Variants in PIEZO2 observed in about 807,000 individuals in gnomAD.
The protein encoded by PIEZO2 is piezo type mechanosensitive ion channel component 2, also known as piezo-type mechanosensitive ion channel component 2.
Under a neutral mutation model 337.3 loss-of-function variants are expected in PIEZO2, and 172 were observed. The observed-to-expected ratio is 0.51, with a 90% confidence interval of 0.45 to 0.58. The LOEUF (loss-of-function observed/expected upper bound fraction) is 0.58, where lower values mean the gene tolerates loss of function less well. Among genes scored for constraint, PIEZO2 ranks in the 20% least tolerant of loss-of-function variants. PIEZO2 has a pLI of 0.00. For missense variants in PIEZO2, 3,028 were observed against 3,391.3 expected (o/e 0.89, Z 2.66); for synonymous variants, 1,251 against 1,228.5 (o/e 1.02, Z -0.38).
At chr18:10,874,545 A>G (rs533534877) in intron 4 of PIEZO2, among the ~76,000 whole-genome samples, 16 of 152,340 alleles carry the variant, frequency 1.1e-4, no homozygotes, top group African/African-American at 3.6e-4. Context: ...CACAATAGTC[A>G]AGATATGGAA....
In PIEZO2 at chr18:10,727,986, A is replaced by G. The variant is rs1313383780; in HGVS notation, c.5029+3421T>C. ...AAAAAAAGAAAAAAGAAAAAAAGGG[A>G]TAAGAAGCCTGACATATAAATAGCA... On this transcript the variant is annotated intron_variant, in intron 36 of 55. Coordinates refer to ENST00000674853, the MANE Select transcript of PIEZO2 (RefSeq NM_001378183.1). This position sits in a 1 kb window ranked among gnomAD's most constrained non-coding sequence, Gnocchi z 6.3. 6.6e-6 allele frequency: 1 copy of G among 152,364 alleles called. No homozygotes were observed. The highest frequency in any genetic ancestry group is 2.4e-5 in the African/African-American group (1 of 41,442). 9.4% of individuals were successfully genotyped at this position (152,364 alleles called of 1,614,324 possible). A position where few individuals can be genotyped will look rare whatever the true frequency, so the allele number is the denominator to read the frequency against.
chr18:10,983,693 C>T (rs2034758645), intron 2 of PIEZO2, among the ~76,000 whole-genome samples: 1 of 152,076 alleles, frequency 6.6e-6, no homozygotes, highest in Non-Finnish European at 1.5e-5. Flanking sequence ...ACCCCCACAA[C>T]CAACTGATGA....
At position 10,962,830 on chromosome 18, in the gene PIEZO2, A is replaced by G. The variant is rs151306843; in HGVS notation, c.286+16705T>C. Among the ~76,000 whole-genome samples the G allele has an allele frequency of 6.2e-4, 94 of 152,290 alleles. No individual in the cohort carries two copies. The highest frequency in any genetic ancestry group is 2.0e-3 in the African/African-American group (85 of 41,546). ...CACATACTATGAGCCCATGCTAGCA[A>G]TGTGAGGGATGACTTTTCCCACTGA... is the stretch of plus-strand genomic sequence containing the variant. On this transcript the variant is annotated intron_variant, in intron 3 of 55. Coordinates refer to ENST00000674853, the MANE Select transcript of PIEZO2 (RefSeq NM_001378183.1). The surrounding 1 kb of genome is among the most constrained non-coding windows in gnomAD (Gnocchi z 4.1).
At chr18:11,018,589 T>C (rs2036206028) in intron 2 of PIEZO2, among the ~76,000 whole-genome samples, 1 of 152,106 alleles carries the variant, frequency 6.6e-6, no homozygotes, top group Non-Finnish European at 1.5e-5. Flanking sequence ...CACTGAACGG[T>C]GGGTGACACT....
intron 2 of PIEZO2, among the ~76,000 whole-genome samples, chr18:11,040,930 G>A (rs2037097413): frequency 6.6e-6 from 1 of 152,076 alleles, no homozygotes; most frequent in African/African-American, 2.4e-5. Context: ...TTAGGAATGA[G>A]GCCAATTAAA....
chr18:11,141,362 C>T (rs1201682891), intron 1 of PIEZO2, among the ~76,000 whole-genome samples: 1 of 152,060 alleles, frequency 6.6e-6, no homozygotes, highest in African/African-American at 2.4e-5. Flanking sequence ...CTGAGAAAAG[C>T]CCCAACTATG....
Position 10,699,155 on chromosome 18 carries a change from T to G in PIEZO2, c.6464A>C (p.Asp2155Ala). ...ILKCHGLWDE[D>A]DMTESGMARE... ...GGCCATGCCACTTTCAGTCATGTCA[T>G]CTTCATCCCATAAGCCATGGCACTG... The change falls in exon 44 of 56, where the codon GAT becomes GCT. Residue 2155 changes from aspartate to alanine, a missense_variant. Asp to Ala is a moderately radical substitution (Grantham distance 126, BLOSUM62 -2). This residue lies in a region of PIEZO2 where 1,925 missense variants were observed against 2,051.9 expected (regional missense o/e 0.94). Transcript: ENST00000674853. 3.3e-6 allele frequency: 5 copies of G among 1,537,220 alleles called. No individual in the cohort carries two copies. Among genetic ancestry groups the G allele is most frequent in the Non-Finnish European group, 4.4e-6 (5 of 1,146,910 alleles).
Position 10,988,387 on chromosome 18 carries a change from A to T in PIEZO2, c.161-8727T>A, listed in dbSNP as rs946845003. On this transcript the variant is annotated intron_variant, in intron 2 of 55. Coordinates refer to ENST00000674853, the MANE Select transcript of PIEZO2 (RefSeq NM_001378183.1). The surrounding 1 kb of genome is among the most constrained non-coding windows in gnomAD (Gnocchi z 4.8). ...TTCGTTTAGCAGCACAAATGTATTAAGAAAGCCTCACACCTGTTAAGATGA... is the reference window on the plus strand; with the variant it reads ...TTCGTTTAGCAGCACAAATGTATTATGAAAGCCTCACACCTGTTAAGATGA... 6.6e-6 allele frequency among the ~76,000 whole-genome samples: 1 copy of T among 152,218 alleles called. No homozygotes were observed. Among genetic ancestry groups the T allele is most frequent in the African/African-American group, 2.4e-5 (1 of 41,460 alleles).
chr18:11,030,747 TC>T (rs1288995446), intron 2 of PIEZO2, among the ~76,000 whole-genome samples: 1 of 152,004 alleles, frequency 6.6e-6, no homozygotes, highest in African/African-American at 2.4e-5. Flanking sequence ...GCCAGGAGCA[TC>T]CAAAAGAACT....
chr18:10,751,721 G>C (rs1380085043), intron 28 of PIEZO2, among the ~76,000 whole-genome samples: 1 of 152,192 alleles, frequency 6.6e-6, no homozygotes, highest in African/African-American at 2.4e-5. Context: ...TGCAACAGCA[G>C]TTACAGCCTG....
intron 3 of PIEZO2, among the ~76,000 whole-genome samples, chr18:10,932,854 A>G (rs2032171032): frequency 6.6e-6 from 1 of 151,852 alleles, no homozygotes; most frequent in Admixed American, 6.6e-5. Context: ...AGCCTAGGAG[A>G]TCGAGGCTGC....
intron 36 of PIEZO2, chr18:10,725,346 G>A: frequency 6.2e-7 from 1 of 1,605,742 alleles, no homozygotes; most frequent in Non-Finnish European, 8.5e-7. Context: ...GCAGCTGAGT[G>A]AAGACCTGCT....
intron 3 of PIEZO2, among the ~76,000 whole-genome samples, chr18:10,913,711 G>A (rs916575015): frequency 3.3e-5 from 5 of 151,920 alleles, no homozygotes; most frequent in African/African-American, 1.2e-4. Flanking sequence ...TAAACAGGCA[G>A]GACAAGTCAA....
intron 2 of PIEZO2, among the ~76,000 whole-genome samples, chr18:11,039,076 G>T (rs1012896768): frequency 1.3e-5 from 2 of 152,148 alleles, no homozygotes; most frequent in Non-Finnish European, 2.9e-5. Flanking sequence ...ATCCCAGGCT[G>T]AAAATAAAAC....
chr18:11,142,778 C>A (rs1214821475), intron 1 of PIEZO2, among the ~76,000 whole-genome samples: 83 of 116,134 alleles, frequency 7.1e-4, no homozygotes, highest in Non-Finnish European at 8.4e-4. Flanking sequence ...GAGATTATCG[C>A]AAAAAAAAAA....
chr18:11,082,332 T>C (rs2038773264), intron 1 of PIEZO2, among the ~76,000 whole-genome samples: 2 of 151,942 alleles, frequency 1.3e-5, no homozygotes, highest in Non-Finnish European at 2.9e-5. Context: ...TCTTTTTTTT[T>C]TTTGAGACAG....
Position 10,748,699 on chromosome 18 carries a change from A to G in PIEZO2, c.4265-69T>C. The G allele has an allele frequency of 2.2e-6, 3 of 1,343,616 alleles. No homozygotes were observed. Among genetic ancestry groups the G allele is most frequent in the Non-Finnish European group, 2.9e-6 (3 of 1,023,798 alleles). The allele number at this position is 1,343,616 out of a possible 1,614,324, so 83.2% of individuals were successfully genotyped here. ...TTTCATTGTAATTTTATAAAATCTG[A>G]GGTATGGTCAGGCTTGGGAAATATA... On this transcript the variant is annotated intron_variant, in intron 29 of 55. Transcript: ENST00000674853. This position sits in a 1 kb window ranked among gnomAD's most constrained non-coding sequence, Gnocchi z 5.1.
At chr18:10,949,180 C>T (rs1324769195) in intron 3 of PIEZO2, among the ~76,000 whole-genome samples, 1 of 150,880 alleles carries the variant, frequency 6.6e-6, no homozygotes. Flanking sequence ...TTTTAATTGG[C>T]TTATGACTGA....
chr18:10,970,660 T>TCACA (rs71169962), intron 3 of PIEZO2, among the ~76,000 whole-genome samples: 4,149 of 137,380 alleles, frequency 0.03, 62 homozygotes, highest in South Asian at 0.046. Context: ...AAAAGATGTT[T>TCACA]CACACACACA....
Sources: allele counts gnomAD v4.1 joint callset (sites outside exome capture counted in the v4.1 genomes callset), GRCh38; gene constraint gnomAD v4.1.1; regional missense constraint gnomAD v4.1.1; non-coding constraint Gnocchi (gnomAD v3.1); transcripts MANE v1.5; gene names NCBI Gene and HGNC (gene_info 2026-07-23, HGNC 2026-07-21).